Variants in PRKCI observed in about 807,000 individuals in gnomAD.
PRKCI encodes the protein protein kinase C iota, also known as protein kinase C iota type.
A neutral mutation model predicts 84.0 loss-of-function variants in PRKCI; 43 were observed. The ratio of observed to expected loss-of-function variants is 0.51; its 90% confidence interval spans 0.40 to 0.66. PRKCI has a LOEUF of 0.66. Among genes scored for constraint, PRKCI ranks in the 30% least tolerant of loss-of-function variants. The pLI, the probability that PRKCI is intolerant of heterozygous loss-of-function variation, is 0.00. For missense variants in PRKCI, 459 were observed against 745.6 expected (o/e 0.62, Z 4.48); for synonymous variants, 216 against 234.4 (o/e 0.92, Z 0.72).
intron 2 of PRKCI, among the ~76,000 whole-genome samples, chr3:170,255,201 C>T (rs890181400): frequency 2.0e-5 from 3 of 151,750 alleles, no homozygotes; most frequent in Non-Finnish European, 4.4e-5. Context: ...GCTGGGATTA[C>T]AGGGATGCAC....
chr3:170,228,586 G>T (rs1732694776), intron 1 of PRKCI, among the ~76,000 whole-genome samples: 1 of 144,214 alleles, frequency 6.9e-6, no homozygotes, highest in Admixed American at 7.0e-5. Flanking sequence ...CACACACACA[G>T]ACATACACAC....
chr3:170,264,773 C>T (rs1733816715), intron 4 of PRKCI, among the ~76,000 whole-genome samples: 1 of 152,266 alleles, frequency 6.6e-6, no homozygotes, highest in South Asian at 2.1e-4. Context: ...AAATTTCCAT[C>T]CCCAAGCTTA....
At position 170,295,952 on chromosome 3, in the gene PRKCI, G is replaced by A. The variant is rs2108866953; in HGVS notation, c.1459G>A (p.Val487Ile). ...KQIRIPRSLS[V>I]KAASVLKSFL... ...AATTCGCATACCACGTTCTCTGTCTGTAAAAGCTGCAAGTGTTCTGAAGAG... is the reference window on the plus strand; with the variant it reads ...AATTCGCATACCACGTTCTCTGTCTATAAAAGCTGCAAGTGTTCTGAAGAG... The change falls in exon 15 of 18, where the codon GTA becomes ATA. Residue 487 changes from valine to isoleucine, a missense_variant. Val to Ile is a conservative substitution (Grantham distance 29). Coordinates refer to ENST00000295797, the MANE Select transcript of PRKCI (RefSeq NM_002740.6). The A allele has an allele frequency of 1.3e-6, 2 of 1,572,352 alleles. No individual in the cohort carries two copies. The highest frequency in any genetic ancestry group is 8.7e-7 in the Non-Finnish European group (1 of 1,154,856).
At chr3:170,236,724 G>A (rs1323228574) in intron 2 of PRKCI, among the ~76,000 whole-genome samples, 1 of 151,948 alleles carries the variant, frequency 6.6e-6, no homozygotes, top group African/African-American at 2.4e-5. Flanking sequence ...CTTATCTGGT[G>A]GTAGCGTGCA....
At chr3:170,251,489 G>C (rs1028259031) in intron 2 of PRKCI, among the ~76,000 whole-genome samples, 4 of 152,024 alleles carry the variant, frequency 2.6e-5, no homozygotes, top group African/African-American at 9.7e-5. Flanking sequence ...ACATAATGAG[G>C]TATAAATAGT....
In PRKCI at chr3:170,303,908, A is replaced by G. The variant is rs2108870377; in HGVS notation, c.*781A>G. ...GCTACTCGGGAGGCTGAAACAGGAG[A>G]ATCGCTTGAACCCAGGAGATGGAGT... On this transcript the variant is annotated 3_prime_UTR_variant, in exon 18 of 18. Coordinates refer to ENST00000295797, the MANE Select transcript of PRKCI (RefSeq NM_002740.6). The G allele has an allele frequency of 5.9e-6, 1 of 169,894 alleles. No homozygotes were observed. Among genetic ancestry groups the G allele is most frequent in the South Asian group, 2.0e-4 (1 of 4,976 alleles). The allele number at this position is 169,894 out of a possible 1,614,324, so 10.5% of individuals were successfully genotyped here. A position where few individuals can be genotyped will look rare whatever the true frequency, so the allele number is the denominator to read the frequency against.
intron 12 of PRKCI, among the ~76,000 whole-genome samples, chr3:170,286,231 C>T (rs919613889): frequency 1.3e-5 from 2 of 151,802 alleles, no homozygotes; most frequent in South Asian, 2.1e-4. Flanking sequence ...CCGGCCCTTA[C>T]GTATTTATAT....
intron 1 of PRKCI, among the ~76,000 whole-genome samples, chr3:170,228,809 C>T (rs371376328): frequency 6.4e-4 from 97 of 152,122 alleles, no homozygotes; most frequent in African/African-American, 1.9e-3. Flanking sequence ...TACCCATCAC[C>T]GGAACAGTAA....
Position 170,281,164 on chromosome 3 carries a change from A to G in PRKCI, c.883-2A>G. ...ATAGATTTCTTACATGTTTCAAAAT[A>G]GGATATTGATTGGGTACAGACAGAG... On this transcript the variant is annotated splice_acceptor_variant, in intron 9 of 17. Transcript: ENST00000295797. LOFTEE classifies it high-confidence loss of function. 1 of 1,609,978 alleles carries G rather than the reference A, an allele frequency of 6.2e-7. No homozygotes were observed. The highest frequency in any genetic ancestry group is 8.5e-7 in the Non-Finnish European group (1 of 1,177,212).
intron 2 of PRKCI, among the ~76,000 whole-genome samples, chr3:170,259,276 C>T (rs942077353): frequency 2.6e-5 from 4 of 151,992 alleles, no homozygotes. Flanking sequence ...GAGGCCCAGG[C>T]GGGAGGATTG....
chr3:170,299,213 A>G, intron 17 of PRKCI, 103 bp downstream of exon 17: 1 of 539,728 alleles, frequency 1.9e-6, no homozygotes, highest in East Asian at 3.7e-5. Context: ...TAATTTTTTT[A>G]TTTTCTATTT....
At chr3:170,240,635 A>G (rs891819271) in intron 2 of PRKCI, among the ~76,000 whole-genome samples, 2 of 152,168 alleles carry the variant, frequency 1.3e-5, no homozygotes, top group Non-Finnish European at 2.9e-5. Flanking sequence ...GTTTTTAATC[A>G]TGTAGGCATT....
At chr3:170,236,301 G>A (rs111677673) in intron 2 of PRKCI, among the ~76,000 whole-genome samples, 10,327 of 144,180 alleles carry the variant, frequency 0.072, 530 homozygotes, top group East Asian at 0.18. Flanking sequence ...GGGTTTTGCC[G>A]TGTTGCCCAG....
intron 8 of PRKCI, 32 bp downstream of exon 8, chr3:170,275,319 C>A: frequency 1.3e-6 from 2 of 1,561,616 alleles, no homozygotes; most frequent in South Asian, 1.2e-5. Flanking sequence ...TACATTATAT[C>A]ATTAGCTTTT....
chr3:170,300,488 G>A (rs1734794270), intron 17 of PRKCI, among the ~76,000 whole-genome samples: 1 of 150,666 alleles, frequency 6.6e-6, no homozygotes, highest in South Asian at 2.1e-4. Flanking sequence ...TTCCCTCTGT[G>A]TAAGCATGCT....
intron 17 of PRKCI, among the ~76,000 whole-genome samples, chr3:170,301,514 T>G (rs1292678023): frequency 6.6e-6 from 1 of 151,826 alleles, no homozygotes; most frequent in East Asian, 1.9e-4. Context: ...ATCAGTTCCT[T>G]TTTTTTTAGT....
chr3:170,249,712 G>A (rs1359241423), intron 2 of PRKCI, among the ~76,000 whole-genome samples: 1 of 151,786 alleles, frequency 6.6e-6, no homozygotes, highest in Non-Finnish European at 1.5e-5. Context: ...TAGGAGGATG[G>A]CTTGAGCCTG....
intron 1 of PRKCI, among the ~76,000 whole-genome samples, chr3:170,234,813 T>C (rs1172836026): frequency 6.6e-6 from 1 of 152,222 alleles, no homozygotes; most frequent in Non-Finnish European, 1.5e-5. Context: ...TTTGTTTTTA[T>C]TTATTTTTTT....
intron 12 of PRKCI, among the ~76,000 whole-genome samples, chr3:170,285,733 T>G (rs1156866836): frequency 6.6e-6 from 1 of 151,540 alleles, no homozygotes; most frequent in African/African-American, 2.4e-5. Flanking sequence ...ATGATACTTA[T>G]TAATTAATTA....
Sources: gnomAD v4.1 joint callset for allele counts (sites outside exome capture counted in the v4.1 genomes callset) on GRCh38, gnomAD v4.1.1 for gene constraint, MANE v1.5 for transcripts, NCBI Gene and HGNC (gene_info 2026-07-23, HGNC 2026-07-21) for gene names.